The following JAKMIP3 variants were observed in gnomAD, a reference collection of about 807,000 sequenced individuals.
The protein encoded by JAKMIP3 is Janus kinase and microtubule interacting protein 3.
In JAKMIP3, 58 loss-of-function variants were observed where a neutral mutation model predicts 118.5. The observed-to-expected ratio is 0.49, with a 90% confidence interval of 0.40 to 0.61. The LOEUF is 0.61. JAKMIP3 is among the 20% of genes least tolerant of loss of function. The pLI, the probability that JAKMIP3 is intolerant of heterozygous loss-of-function variation, is 0.00. For missense variants in JAKMIP3, 950 were observed against 1,109.0 expected, an observed-to-expected ratio of 0.86 and a Z score of 2.04; for synonymous variants, 486 against 451.2, an observed-to-expected ratio of 1.08 and a Z score of -0.98.
intron 11 of JAKMIP3, among the ~76,000 whole-genome samples, chr10:132,144,853 C>G (rs950220419): frequency 2.6e-5 from 4 of 152,012 alleles, no homozygotes; most frequent in Non-Finnish European, 4.4e-5. Flanking sequence ...CACTTGAGCT[C>G]GGGAGGCGGA....
At chr10:132,162,542 C>T (rs901132902) in intron 19 of JAKMIP3, among the ~76,000 whole-genome samples, 3 of 152,166 alleles carry the variant, frequency 2.0e-5, no homozygotes, top group Non-Finnish European at 4.4e-5. Flanking sequence ...TTGTGGCCGC[C>T]AAGAACAATA....
chr10:132,082,798 A>G (rs545569554), intron 1 of JAKMIP3, among the ~76,000 whole-genome samples: 3 of 152,236 alleles, frequency 2.0e-5, no homozygotes, highest in Non-Finnish European at 2.9e-5. Flanking sequence ...TTTAATAGAG[A>G]CAGAGTTTCA....
At chr10:132,176,174 G>C (rs1212508559) in intron 23 of JAKMIP3, among the ~76,000 whole-genome samples, 1 of 152,256 alleles carries the variant, frequency 6.6e-6, no homozygotes, top group Non-Finnish European at 1.5e-5. Context: ...CAGGGCTCCA[G>C]CCGCAAGAGG....
intron 1 of JAKMIP3, among the ~76,000 whole-genome samples, chr10:132,097,591 G>A (rs997665298): frequency 6.6e-6 from 1 of 152,094 alleles, no homozygotes; most frequent in African/African-American, 2.4e-5. Context: ...AGGGACCCTT[G>A]TAGGGACAGG....
In JAKMIP3 at chr10:132,109,015, ATG is replaced by A. The variant is rs1554933532; in HGVS notation, c.135+4074_135+4075del. ...TATACATATACACGCAAATGTATAT[ATG>A]TATACAAATTATATATGTATATATA... On this transcript the variant is annotated intron_variant, in intron 2 of 23. Transcript: ENST00000684848. Among the ~76,000 whole-genome samples the A allele has an allele frequency of 2.0e-5, 3 of 149,328 alleles. No individual in the cohort carries two copies. In the East Asian group the frequency reaches 5.9e-4, roughly 29 times the overall value.
chr10:132,164,579 C>G (rs1343911545), intron 20 of JAKMIP3, 91 bp from the exon 21 acceptor site: 2 of 870,098 alleles, frequency 2.3e-6, no homozygotes, highest in African/African-American at 3.4e-5. Context: ...CTGCGACGAT[C>G]TGTTACCAAG....
At chr10:132,082,412 T>C (rs2041892416) in intron 1 of JAKMIP3, among the ~76,000 whole-genome samples, 1 of 152,032 alleles carries the variant, frequency 6.6e-6, no homozygotes, top group South Asian at 2.1e-4. Context: ...CCAAAGTCCA[T>C]TGTGTCATTC....
chr10:132,095,027 G>A (rs957253047), intron 1 of JAKMIP3, among the ~76,000 whole-genome samples: 1 of 152,160 alleles, frequency 6.6e-6, no homozygotes, highest in African/African-American at 2.4e-5. Flanking sequence ...CAGCAGCACA[G>A]GCCTCACCCA....
chr10:132,171,537 T>C (rs2059480011), intron 23 of JAKMIP3, among the ~76,000 whole-genome samples: 1 of 152,166 alleles, frequency 6.6e-6, no homozygotes, highest in African/African-American at 2.4e-5. Flanking sequence ...TTAGCTTTTT[T>C]CCCCAACTGT....
In JAKMIP3 at chr10:132,184,451, G is replaced by T. The variant is rs563792328; in HGVS notation, c.*3198G>T. The T allele has an allele frequency of 5.9e-5, 9 of 152,346 alleles. No individual in the cohort carries two copies. Among genetic ancestry groups the T allele is most frequent in the African/African-American group, 1.9e-4 (8 of 41,582 alleles). 9.4% of individuals were successfully genotyped at this position (152,346 alleles called of 1,614,324 possible). On this transcript the variant is annotated 3_prime_UTR_variant, in exon 24 of 24. Transcript: ENST00000684848. ...TGTTTTATCACAGTAATGGAATTCA[G>T]TTTAGCCTCAGGAAACTCATATTGT...
intron 16 of JAKMIP3, 47 bp from the exon 17 acceptor site, chr10:132,152,911 C>CA: frequency 1.3e-6 from 2 of 1,486,826 alleles, no homozygotes; most frequent in Non-Finnish European, 1.8e-6. Context: ...CCCTCACCCC[C>CA]AAAGGCACTG....
intron 1 of JAKMIP3, among the ~76,000 whole-genome samples, chr10:132,054,669 A>C (rs2038190432): frequency 6.8e-6 from 1 of 147,926 alleles, no homozygotes; most frequent in Non-Finnish European, 1.5e-5. Flanking sequence ...GGGGGTCACC[A>C]CTAGATTTCA....
chr10:132,039,851 G>A (rs1247845425), intron 1 of JAKMIP3, among the ~76,000 whole-genome samples: 1 of 152,256 alleles, frequency 6.6e-6, no homozygotes, highest in Non-Finnish European at 1.5e-5. Flanking sequence ...GTGCTGGGGC[G>A]CCTCTGCAAG....
At chr10:132,161,812 T>TGG (rs372663563) in intron 19 of JAKMIP3, among the ~76,000 whole-genome samples, 3 of 84,088 alleles carry the variant, frequency 3.6e-5, no homozygotes, top group Admixed American at 1.6e-4. Context: ...TGTGTGATGC[T>TGG]GGGGGGGGCC....
chr10:132,142,030 C>T lies in JAKMIP3; in HGVS notation c.1584C>T (p.Asp528=), dbSNP rs376487051. The T allele has an allele frequency of 2.8e-5, 45 of 1,607,790 alleles. No homozygotes were observed. Among genetic ancestry groups the T allele is most frequent in the African/African-American group, 1.7e-4 (13 of 74,656 alleles). The change falls in exon 11 of 24, where the codon GAC becomes GAT. Residue 528 remains aspartate (D), a synonymous_variant. Transcript: ENST00000684848. ...AGGAGCAGGTTGGAGGGACGCTGGA[C>T]GCAGAGCGAGAAGTTAAGGTCTACG... is the stretch of plus-strand genomic sequence containing the variant. The part of the protein sequence containing the change: ...LLQEQVGGTL[D]AEREVKTREQ...
chr10:132,090,752 G>T (rs986452346), intron 1 of JAKMIP3, among the ~76,000 whole-genome samples: 11 of 152,146 alleles, frequency 7.2e-5, no homozygotes, highest in Non-Finnish European at 1.3e-4. Context: ...GATAGCTTTT[G>T]AATGTGTTTG....
chr10:132,164,572 C>T lies in JAKMIP3; in HGVS notation c.2425-98C>T, dbSNP rs1427552911. 2.9e-5 allele frequency: 24 copies of T among 813,834 alleles called. No homozygotes were observed. In the East Asian group the frequency reaches 3.1e-4, roughly 11 times the overall value. 50.4% of individuals were successfully genotyped at this position (813,834 alleles called of 1,614,324 possible). A position where few individuals can be genotyped will look rare whatever the true frequency, so the allele number is the denominator to read the frequency against. On this transcript the variant is annotated intron_variant, in intron 20 of 23. Transcript: ENST00000684848. Reference sequence around the variant, plus strand: ...GGCCATGGCCATGCCAGCTGCTCTGCGACGATCTGTTACCAAGGAAATGAA... The same window carrying T: ...GGCCATGGCCATGCCAGCTGCTCTGTGACGATCTGTTACCAAGGAAATGAA...
chr10:132,051,600 CTTTTT>C (rs1005102717), intron 1 of JAKMIP3, among the ~76,000 whole-genome samples: 94 of 146,480 alleles, frequency 6.4e-4, no homozygotes, highest in African/African-American at 2.2e-3. Flanking sequence ...TTTATTTTTA[CTTTTT>C]TTTTTTTCTT....
chr10:132,089,061 G>A (rs1589783809), intron 1 of JAKMIP3, among the ~76,000 whole-genome samples: 1 of 152,070 alleles, frequency 6.6e-6, no homozygotes, highest in South Asian at 2.1e-4. Flanking sequence ...TGTTCCATTG[G>A]TCTATATCTC....
Sources: gnomAD v4.1 joint callset for allele counts (sites outside exome capture counted in the v4.1 genomes callset) on GRCh38, gnomAD v4.1.1 for gene constraint, MANE v1.5 for transcripts, NCBI Gene and HGNC (gene_info 2026-07-23, HGNC 2026-07-21) for gene names.